The following RANBP17 variants were observed in gnomAD, a reference collection of about 807,000 sequenced individuals.
RANBP17 encodes RAN binding protein 17, also known as ran-binding protein 17.
In RANBP17, 158 loss-of-function variants were observed where a neutral mutation model predicts 141.2. The ratio of observed to expected loss-of-function variants is 1.12; its 90% CI spans 0.98 to 1.28. RANBP17 has a LOEUF of 1.28. RANBP17 is among the 50% of genes most tolerant of loss of function. The pLI is 0.00. For synonymous variants in RANBP17, 430 were observed against 450.0 expected, an observed-to-expected ratio of 0.96 and a Z score of 0.56; for missense variants, 1,438 against 1,290.7, an observed-to-expected ratio of 1.11 and a Z score of -1.75.
intron 22 of RANBP17, among the ~76,000 whole-genome samples, chr5:171,240,048 C>T (rs902663989): frequency 3.3e-5 from 5 of 152,120 alleles, no homozygotes; most frequent in Admixed American, 3.3e-4. Flanking sequence ...CAGTGTAAGC[C>T]ACTATATTAT....
chr5:171,146,907 A>T (rs1377818511), intron 14 of RANBP17, among the ~76,000 whole-genome samples: 1 of 152,220 alleles, frequency 6.6e-6, no homozygotes, highest in Non-Finnish European at 1.5e-5. Context: ...TAACTCTACC[A>T]CTTATTCTCT....
chr5:170,991,109 A>G (rs1778480476), intron 14 of RANBP17, among the ~76,000 whole-genome samples: 1 of 151,990 alleles, frequency 6.6e-6, no homozygotes, highest in African/African-American at 2.4e-5. Context: ...ACCTCTGGGA[A>G]AACTACACTC....
rs1230395110 is a variant in RANBP17, at chr5:170,872,433, A to G, written c.19-5664A>G. 3.3e-5 allele frequency among the ~76,000 whole-genome samples: 5 copies of G among 152,294 alleles called. No homozygotes were observed. The South Asian group carries it at 6.2e-4, about 19-fold the overall frequency. On this transcript the variant is annotated intron_variant, in intron 1 of 27. Coordinates refer to ENST00000523189, the MANE Select transcript of RANBP17 (RefSeq NM_022897.5). ...TTGGGCTGAGATGATGGAGTTTTCT[A>G]GATTGTAGGATCATGTTGTCTGCAG...
intron 22 of RANBP17, among the ~76,000 whole-genome samples, chr5:171,231,055 A>T (rs1331391696): frequency 2.0e-5 from 3 of 149,478 alleles, no homozygotes; most frequent in African/African-American, 7.4e-5. Flanking sequence ...TCCTGCCTCA[A>T]CTTCCTGAGT....
chr5:171,007,421 G>T (rs1779723255), intron 14 of RANBP17, among the ~76,000 whole-genome samples: 1 of 152,096 alleles, frequency 6.6e-6, no homozygotes. Context: ...AAGAGTTGGA[G>T]CCTGATTCAG....
chr5:170,968,519 T>C (rs1407221948), intron 14 of RANBP17, 142 bp downstream of exon 14: 6 of 780,524 alleles, frequency 7.7e-6, no homozygotes, highest in African/African-American at 1.7e-5. Flanking sequence ...TGAAGTGCAA[T>C]GTAAAATTAA....
chr5:170,874,126 T>C (rs1256005134), intron 1 of RANBP17, among the ~76,000 whole-genome samples: 1 of 152,176 alleles, frequency 6.6e-6, no homozygotes, highest in Non-Finnish European at 1.5e-5. Flanking sequence ...GGGAGCAAGG[T>C]TAATTTCTGT....
intron 24 of RANBP17, among the ~76,000 whole-genome samples, chr5:171,253,817 G>GA (rs560811960): frequency 1.1e-3 from 169 of 152,298 alleles, no homozygotes; most frequent in Non-Finnish European, 1.9e-3. Flanking sequence ...GATACCTTGA[G>GA]AAAAACTGCA....
intron 5 of RANBP17, chr5:170,896,356 G>T: frequency 4.8e-6 from 2 of 415,602 alleles, no homozygotes; most frequent in Non-Finnish European, 8.4e-6. Flanking sequence ...AATTAGACAT[G>T]GTTCTTGCTC....
At chr5:171,036,924 G>A (rs1781918086) in intron 14 of RANBP17, among the ~76,000 whole-genome samples, 1 of 152,000 alleles carries the variant, frequency 6.6e-6, no homozygotes. Flanking sequence ...TTTTTTGATA[G>A]AACAATTCAT....
chr5:170,927,162 T>C (rs1406922848), intron 12 of RANBP17, among the ~76,000 whole-genome samples: 3 of 152,126 alleles, frequency 2.0e-5, no homozygotes, highest in Non-Finnish European at 2.9e-5. Flanking sequence ...GTTAATGTAT[T>C]TGTAATTCTG....
At chr5:171,123,763 G>T (rs931558960) in intron 14 of RANBP17, among the ~76,000 whole-genome samples, 1 of 152,194 alleles carries the variant, frequency 6.6e-6, no homozygotes, top group Non-Finnish European at 1.5e-5. Context: ...GAACTTACAG[G>T]CACCACTGTA....
chr5:171,115,290 A>T (rs1755538943), intron 14 of RANBP17, among the ~76,000 whole-genome samples: 1 of 152,178 alleles, frequency 6.6e-6, no homozygotes, highest in African/African-American at 2.4e-5. Flanking sequence ...TATATTAGCA[A>T]ATTCTACTCC....
rs866741496 is a variant in RANBP17 at position 171,277,649 on chromosome 5, A to G, written c.2943+11802A>G. On this transcript the variant is annotated intron_variant, in intron 25 of 27. Transcript: ENST00000523189. ...TACATATATGTATGTATATATATAT[A>G]TATATATATATATATATATTTATGT... 1.7e-3 allele frequency among the ~76,000 whole-genome samples: 214 copies of G among 125,072 alleles called. 17 individuals are homozygous for G. The highest frequency in any genetic ancestry group is 5.0e-3 in the African/African-American group (164 of 33,070). The allele number at this position is 125,072 out of a possible 152,430, so 82.1% of individuals were successfully genotyped here. A position where few individuals can be genotyped will look rare whatever the true frequency, so the allele number is the denominator to read the frequency against.
chr5:171,293,009 A>G (rs934457916), intron 25 of RANBP17, among the ~76,000 whole-genome samples: 3 of 152,156 alleles, frequency 2.0e-5, no homozygotes, highest in Non-Finnish European at 4.4e-5. Flanking sequence ...GTTTCTTACC[A>G]TGGCAGAACC....
intron 24 of RANBP17, among the ~76,000 whole-genome samples, chr5:171,255,930 A>C (rs2128008961): frequency 6.6e-6 from 1 of 152,342 alleles, no homozygotes; most frequent in Middle Eastern, 3.4e-3. Context: ...CCACTTCTTA[A>C]ATCACATGGC....
At chr5:170,902,545 C>T (rs960200143) in intron 5 of RANBP17, among the ~76,000 whole-genome samples, 21 of 152,162 alleles carry the variant, frequency 1.4e-4, no homozygotes, top group Non-Finnish European at 2.1e-4. Flanking sequence ...CATTCTCTGT[C>T]CAGTTTTGTT....
At chr5:171,071,828 A>T (rs1784652326) in intron 14 of RANBP17, among the ~76,000 whole-genome samples, 1 of 152,110 alleles carries the variant, frequency 6.6e-6, no homozygotes, top group Non-Finnish European at 1.5e-5. Context: ...ATGAGTACTT[A>T]AAATTGACAC....
intron 14 of RANBP17, among the ~76,000 whole-genome samples, chr5:171,117,726 T>C (rs1755737966): frequency 1.3e-5 from 2 of 152,036 alleles, no homozygotes. Context: ...ACTCCTGACC[T>C]TGTTGATCCA....
Sources: gnomAD v4.1 joint callset for allele counts (sites outside exome capture counted in the v4.1 genomes callset) on GRCh38, gnomAD v4.1.1 for gene constraint, MANE v1.5 for transcripts, NCBI Gene and HGNC (gene_info 2026-07-23, HGNC 2026-07-21) for gene names.